The following CSRNP3 variants were observed in gnomAD, a reference collection of about 807,000 sequenced individuals.
CSRNP3 encodes the protein cysteine/serine-rich nuclear protein 3.
A neutral mutation model predicts 48.0 loss-of-function variants in CSRNP3; 12 were observed. That is an observed-to-expected ratio of 0.25 (90% CI 0.16 to 0.41). The LOEUF (loss-of-function observed/expected upper bound fraction) is 0.41, where lower values mean the gene tolerates loss of function less well. Ranked by LOEUF, CSRNP3 falls within the 10% of genes least tolerant of loss-of-function variation. The probability of loss-of-function intolerance (pLI) is 1.00; values close to 1 mark genes in which losing one functional copy is unlikely to be tolerated. For synonymous variants in CSRNP3, 263 were observed against 269.7 expected, an observed-to-expected ratio of 0.98 and a Z score of 0.24; for missense variants, 580 against 724.4, an observed-to-expected ratio of 0.80 and a Z score of 2.29.
intron 3 of CSRNP3, among the ~76,000 whole-genome samples, chr2:165,547,370 T>C (rs1057178728): frequency 3.3e-5 from 5 of 152,152 alleles, no homozygotes; most frequent in Non-Finnish European, 7.4e-5. Context: ...AATGCCAAAT[T>C]ACTGAACAAA....
At position 165,685,153 on chromosome 2, in the gene CSRNP3, G is replaced by A. The variant is rs1156996193; in HGVS notation, c.*5400G>A. On this transcript the variant is annotated 3_prime_UTR_variant, in exon 7 of 7. Coordinates refer to ENST00000651982, the MANE Select transcript of CSRNP3 (RefSeq NM_001172173.2). Reference sequence around the variant, plus strand: ...ATGATTGTCAAAAGTAAAAAGTGCAGACATTTAAAAAAGCTCTTCTTTCAC... The same window carrying A: ...ATGATTGTCAAAAGTAAAAAGTGCAAACATTTAAAAAAGCTCTTCTTTCAC... 6.6e-6 allele frequency: 1 copy of A among 151,994 alleles called. No individual in the cohort carries two copies. The highest frequency in any genetic ancestry group is 2.4e-5 in the African/African-American group (1 of 41,394). The allele number at this position is 151,994 out of a possible 1,614,324, so 9.4% of individuals were successfully genotyped here. A position where few individuals can be genotyped will look rare whatever the true frequency, so the allele number is the denominator to read the frequency against.
chr2:165,651,713 AGG>A (rs1254794098), intron 4 of CSRNP3, among the ~76,000 whole-genome samples: 1 of 150,818 alleles, frequency 6.6e-6, no homozygotes, highest in Non-Finnish European at 1.5e-5. Context: ...TGGAGGGCAA[AGG>A]CGTGATCTCA....
chr2:165,558,622 G>A (rs1272013184), intron 3 of CSRNP3, among the ~76,000 whole-genome samples: 3 of 152,040 alleles, frequency 2.0e-5, no homozygotes, highest in Non-Finnish European at 1.5e-5. Flanking sequence ...ACATTTACAT[G>A]AATATACACA....
At chr2:165,527,607 A>G (rs986344574) in intron 3 of CSRNP3, among the ~76,000 whole-genome samples, 2 of 152,164 alleles carry the variant, frequency 1.3e-5, no homozygotes, top group African/African-American at 4.8e-5. Context: ...TTAAATCGGT[A>G]TGTCTGGATG....
chr2:165,571,775 C>A (rs1312646921), intron 3 of CSRNP3, among the ~76,000 whole-genome samples: 1 of 152,024 alleles, frequency 6.6e-6, no homozygotes, highest in African/African-American at 2.4e-5. Context: ...TCTACTTCAT[C>A]TATATACATT....
chr2:165,501,594 G>A (rs764291602), intron 2 of CSRNP3, among the ~76,000 whole-genome samples: 1 of 152,098 alleles, frequency 6.6e-6, no homozygotes, highest in Non-Finnish European at 1.5e-5. Flanking sequence ...GATTTGGCAG[G>A]CATTGTGCTG....
At chr2:165,518,891 C>A (rs1284679972) in intron 3 of CSRNP3, among the ~76,000 whole-genome samples, 3 of 151,956 alleles carry the variant, frequency 2.0e-5, no homozygotes, top group Admixed American at 2.0e-4. Flanking sequence ...TCCTTGTTCT[C>A]AAAAATTTCC....
intron 1 of CSRNP3, among the ~76,000 whole-genome samples, chr2:165,478,372 A>T (rs1019854263): frequency 3.3e-5 from 5 of 152,218 alleles, no homozygotes; most frequent in African/African-American, 4.8e-5. Context: ...TTCAATTTTT[A>T]AAAATTTTCA....
chr2:165,658,759 A>G (rs1273723574), intron 5 of CSRNP3, among the ~76,000 whole-genome samples: 1 of 152,226 alleles, frequency 6.6e-6, no homozygotes, highest in Non-Finnish European at 1.5e-5. Flanking sequence ...AACTCCTTAT[A>G]AAACCATCAG....
At position 165,678,689 on chromosome 2, in the gene CSRNP3, C is replaced by A; in HGVS notation, c.706-12C>A. ...TAGTTCCATGGTGCTAATCTGTGTTCTTCCTTCCAAGGTGGATCGTATGTC... is the reference window on the plus strand; with the variant it reads ...TAGTTCCATGGTGCTAATCTGTGTTATTCCTTCCAAGGTGGATCGTATGTC... On this transcript the variant is annotated splice_polypyrimidine_tract_variant and intron_variant, in intron 6 of 6. Transcript: ENST00000651982. 1 of 1,609,322 alleles carries A rather than the reference C, an allele frequency of 6.2e-7. No individual in the cohort carries two copies. The highest frequency in any genetic ancestry group is 8.5e-7 in the Non-Finnish European group (1 of 1,177,272).
At chr2:165,496,856 T>C (rs1209228312) in intron 2 of CSRNP3, among the ~76,000 whole-genome samples, 4 of 152,002 alleles carry the variant, frequency 2.6e-5, no homozygotes, top group African/African-American at 9.7e-5. Flanking sequence ...ACAAATTGGC[T>C]CTCTCCTGGA....
intron 4 of CSRNP3, among the ~76,000 whole-genome samples, chr2:165,653,836 G>A (rs774826173): frequency 1.3e-5 from 2 of 151,772 alleles, no homozygotes; most frequent in Non-Finnish European, 1.5e-5. Flanking sequence ...GCTGGGCGTG[G>A]TGGCAGATAC....
intron 4 of CSRNP3, among the ~76,000 whole-genome samples, chr2:165,642,099 C>A (rs1686730898): frequency 8.1e-6 from 1 of 122,870 alleles, no homozygotes; most frequent in Non-Finnish European, 1.6e-5. Context: ...AATACACACA[C>A]ACAAACACAC....
intron 3 of CSRNP3, among the ~76,000 whole-genome samples, chr2:165,590,345 A>C (rs1685696011): frequency 6.6e-6 from 1 of 152,240 alleles, no homozygotes; most frequent in Non-Finnish European, 1.5e-5. Context: ...AGTATTCTTA[A>C]TTTGATGGAG....
chr2:165,589,429 G>T (rs917467505), intron 3 of CSRNP3, among the ~76,000 whole-genome samples: 2 of 152,164 alleles, frequency 1.3e-5, no homozygotes, highest in African/African-American at 4.8e-5. Flanking sequence ...AATTGGACAG[G>T]TATTCTACTT....
At chr2:165,614,687 A>T (rs999480572) in intron 4 of CSRNP3, among the ~76,000 whole-genome samples, 1 of 152,172 alleles carries the variant, frequency 6.6e-6, no homozygotes, top group Non-Finnish European at 1.5e-5. Context: ...TAAGATAATA[A>T]CGTGGTTTTG....
intron 4 of CSRNP3, among the ~76,000 whole-genome samples, chr2:165,633,863 C>A (rs1216005309): frequency 6.6e-6 from 1 of 152,190 alleles, no homozygotes; most frequent in Non-Finnish European, 1.5e-5. Context: ...CCTCTGGGTA[C>A]TTTCCTGAAC....
intron 4 of CSRNP3, among the ~76,000 whole-genome samples, chr2:165,609,390 T>C (rs1398433921): frequency 7.5e-6 from 1 of 132,978 alleles, no homozygotes; most frequent in African/African-American, 2.9e-5. Context: ...ACTCGGGAGA[T>C]GGAGCTGGCA....
intron 2 of CSRNP3, among the ~76,000 whole-genome samples, chr2:165,498,650 T>G (rs1355346787): frequency 6.6e-6 from 1 of 152,178 alleles, no homozygotes; most frequent in Admixed American, 6.6e-5. Flanking sequence ...AAATAAAATT[T>G]TATTTATCTA....
Sources: gnomAD v4.1 joint callset for allele counts (sites outside exome capture counted in the v4.1 genomes callset) on GRCh38, gnomAD v4.1.1 for gene constraint, MANE v1.5 for transcripts, NCBI Gene and HGNC (gene_info 2026-07-23, HGNC 2026-07-21) for gene names.